CLMP: variants seen among roughly 807,000 people sequenced by gnomAD.
The protein encoded by CLMP is CXADR-like membrane protein.
Under a neutral mutation model 45.2 loss-of-function variants are expected in CLMP, and 27 were observed. The ratio of observed to expected loss-of-function variants is 0.60; its 90% CI spans 0.44 to 0.82. The LOEUF (loss-of-function observed/expected upper bound fraction) is 0.82. Among genes scored for constraint, CLMP ranks in the 40% least tolerant of loss-of-function variants. The probability of loss-of-function intolerance (pLI) is 0.00; values close to 1 mark genes in which losing one functional copy is unlikely to be tolerated. For synonymous variants in CLMP, 167 were observed against 171.4 expected (o/e 0.97, Z 0.20); for missense variants, 403 against 448.4 (o/e 0.90, Z 0.91).
intron 1 of CLMP, among the ~76,000 whole-genome samples, chr11:123,185,001 G>A (rs1358456975): frequency 1.3e-5 from 2 of 152,152 alleles, no homozygotes; most frequent in Non-Finnish European, 2.9e-5. Flanking sequence ...GGCTGAGAGG[G>A]GCGAGCACAG....
chr11:123,176,079 T>G (rs1591487428), intron 1 of CLMP, among the ~76,000 whole-genome samples: 2 of 152,216 alleles, frequency 1.3e-5, no homozygotes, highest in Non-Finnish European at 2.9e-5. Context: ...ATACTTAGAA[T>G]AGTGTCTAGT....
intron 2 of CLMP, among the ~76,000 whole-genome samples, chr11:123,094,627 C>G (rs1314520017): frequency 6.6e-6 from 1 of 152,126 alleles, no homozygotes; most frequent in African/African-American, 2.4e-5. Context: ...GAACTCCTGG[C>G]CTCAAGTAGT....
chr11:123,107,933 G>A (rs1048644874), intron 1 of CLMP, among the ~76,000 whole-genome samples: 2 of 152,032 alleles, frequency 1.3e-5, no homozygotes, highest in Non-Finnish European at 2.9e-5. Flanking sequence ...GCACACCTAA[G>A]AAAATTGATA....
chr11:123,146,359 A>C (rs1440645753), intron 1 of CLMP, among the ~76,000 whole-genome samples: 1 of 152,212 alleles, frequency 6.6e-6, no homozygotes, highest in East Asian at 1.9e-4. Context: ...TTACCCATGC[A>C]AAGTGTCTAG....
At chr11:123,131,143 G>A (rs775907059) in intron 1 of CLMP, among the ~76,000 whole-genome samples, 27 of 151,818 alleles carry the variant, frequency 1.8e-4, no homozygotes, top group Middle Eastern at 6.8e-3. Flanking sequence ...GTGCCCAGCC[G>A]GATTTCAAAA....
chr11:123,152,420 G>A (rs1242729935), intron 1 of CLMP, among the ~76,000 whole-genome samples: 1 of 151,980 alleles, frequency 6.6e-6, no homozygotes, highest in African/African-American at 2.4e-5. Flanking sequence ...CTACTCAGGA[G>A]GCTGAGGCAG....
At chr11:123,168,322 C>A (rs939607537) in intron 1 of CLMP, among the ~76,000 whole-genome samples, 2 of 152,140 alleles carry the variant, frequency 1.3e-5, no homozygotes, top group African/African-American at 4.8e-5. Context: ...GGCACTCCAG[C>A]TTTGACCAGA....
chr11:123,073,277 G>T lies in CLMP; in HGVS notation c.*197C>A. The stretch of plus-strand genomic sequence containing the variant: ...AGGCACAATAAGATGCCTTTTTACA[G>T]ATGAATCAGCTTACATCCTTTTGCT... On this transcript the variant is annotated 3_prime_UTR_variant, in exon 7 of 7. Transcript: ENST00000448775. 1.7e-6 allele frequency: 1 copy of T among 580,320 alleles called. No homozygotes were observed. The highest frequency in any genetic ancestry group is 2.9e-6 in the Non-Finnish European group (1 of 344,642). The allele number at this position is 580,320 out of a possible 1,614,324, so 35.9% of individuals were successfully genotyped here.
intron 1 of CLMP, among the ~76,000 whole-genome samples, chr11:123,190,491 G>A (rs1380007250): frequency 6.6e-6 from 1 of 152,170 alleles, no homozygotes; most frequent in East Asian, 1.9e-4. Context: ...TTTTACAAAG[G>A]AGAAAACTAA....
chr11:123,106,382 GGTGTGTGTGTGTGTGTGTGT>G lies in CLMP; in HGVS notation c.29-8450_29-8431del, dbSNP rs539659160. ...CAGCTACATATATAATTCTGTAGGAGGTGTGTGTGTGTGTGTGTGTGTGTGTGTGTGTGTGTGTGTGTGCG... is the reference window on the plus strand; with the variant it reads ...CAGCTACATATATAATTCTGTAGGAGGTGTGTGTGTGTGTGTGTGTGTGCG... On this transcript the variant is annotated intron_variant, in intron 1 of 6. Transcript: ENST00000448775. Among the ~76,000 whole-genome samples the G allele has an allele frequency of 3.0e-5, 4 of 135,292 alleles. No homozygotes were observed. The East Asian group carries it at 9.1e-4, about 31-fold the overall frequency. The allele number at this position is 135,292 out of a possible 152,430, so 88.8% of individuals were successfully genotyped here.
At chr11:123,164,449 A>T (rs2135535784) in intron 1 of CLMP, among the ~76,000 whole-genome samples, 1 of 152,238 alleles carries the variant, frequency 6.6e-6, no homozygotes, top group Admixed American at 6.5e-5. Flanking sequence ...GATTACAGGC[A>T]CGTGCCACCA....
chr11:123,083,641 AT>A, intron 4 of CLMP, 38 bp downstream of exon 4: 1 of 1,606,732 alleles, frequency 6.2e-7, no homozygotes, highest in Non-Finnish European at 8.5e-7. Flanking sequence ...ATAGAGGACT[AT>A]TTTGTTGGCT....
intron 1 of CLMP, among the ~76,000 whole-genome samples, chr11:123,156,166 A>C (rs1201455599): frequency 1.3e-5 from 2 of 152,204 alleles, no homozygotes; most frequent in Non-Finnish European, 2.9e-5. Context: ...CCCCTCACGC[A>C]CAGGCACTGA....
At chr11:123,150,471 G>GAA (rs1185000049) in intron 1 of CLMP, among the ~76,000 whole-genome samples, 53 of 103,516 alleles carry the variant, frequency 5.1e-4, no homozygotes, top group Non-Finnish European at 8.2e-4. Flanking sequence ...AAGAAAGAAA[G>GAA]AAAGAAAGAA....
rs141484025 is a variant in CLMP at position 123,139,981 on chromosome 11, C to T, written c.29-42029G>A. ...CCAATTCATGTGAGTGTAAATAGTT[C>T]GGCCATTAAGATTCAGAATAGGCAC... On this transcript the variant is annotated intron_variant, in intron 1 of 6. Coordinates refer to ENST00000448775, the MANE Select transcript of CLMP (RefSeq NM_024769.5). 1.9e-3 allele frequency among the ~76,000 whole-genome samples: 282 copies of T among 152,196 alleles called. 2 individuals carry two copies. Among genetic ancestry groups the T allele is most frequent in the Non-Finnish European group, 3.2e-3 (217 of 68,024 alleles).
Position 123,072,335 on chromosome 11 carries a change from G to A in CLMP, c.*1139C>T, listed in dbSNP as rs1565373814. The stretch of plus-strand genomic sequence containing the variant: ...GATTTTTTTTTTTTTTTGAGATGGA[G>A]TCTTGCTTTGTCACCCAGGCTGGAG... On this transcript the variant is annotated 3_prime_UTR_variant, in exon 7 of 7. Coordinates refer to ENST00000448775, the MANE Select transcript of CLMP (RefSeq NM_024769.5). 1 of 149,314 alleles carries A rather than the reference G, an allele frequency of 6.7e-6. No individual in the cohort carries two copies. Among genetic ancestry groups the A allele is most frequent in the South Asian group, 2.1e-4 (1 of 4,744 alleles). The allele number at this position is 149,314 out of a possible 1,614,324, so 9.2% of individuals were successfully genotyped here. A position where few individuals can be genotyped will look rare whatever the true frequency, so the allele number is the denominator to read the frequency against.
At chr11:123,078,911 T>C (rs908665121) in intron 5 of CLMP, among the ~76,000 whole-genome samples, 6 of 152,282 alleles carry the variant, frequency 3.9e-5, no homozygotes, top group South Asian at 2.1e-4. Flanking sequence ...CCCAAAGTGC[T>C]GGGATTATAG....
chr11:123,145,474 T>G (rs1399394018), intron 1 of CLMP, among the ~76,000 whole-genome samples: 1 of 104,014 alleles, frequency 9.6e-6, no homozygotes, highest in African/African-American at 4.6e-5. Context: ...TTTTTTTTTT[T>G]TTTTTGAGAC....
intron 5 of CLMP, among the ~76,000 whole-genome samples, chr11:123,075,634 T>G (rs142531839): frequency 0.021 from 3,126 of 150,124 alleles, 100 homozygotes; most frequent in East Asian, 0.18. Flanking sequence ...TGATCCGCCC[T>G]CCTCGTTCTC....
Sources: allele counts gnomAD v4.1 joint callset (sites outside exome capture counted in the v4.1 genomes callset), GRCh38; gene constraint gnomAD v4.1.1; transcripts MANE v1.5; gene names NCBI Gene and HGNC (gene_info 2026-07-23, HGNC 2026-07-21).